The following GALNS variants were observed in gnomAD, a reference collection of about 807,000 sequenced individuals.
The protein encoded by GALNS is N-acetylgalactosamine-6-sulfatase.
A neutral mutation model predicts 65.9 loss-of-function variants in GALNS; 65 were observed. The observed-to-expected ratio is 0.99, with a 90% CI of 0.81 to 1.21. The LOEUF (loss-of-function observed/expected upper bound fraction) is 1.21. Ranked by LOEUF, GALNS falls within the 50% of genes most tolerant of loss-of-function variation. The pLI, the probability that GALNS is intolerant of heterozygous loss-of-function variation, is 0.00. For synonymous variants in GALNS, 346 were observed against 288.9 expected, an observed-to-expected ratio of 1.20 and a Z score of -2.00; for missense variants, 776 against 700.7, an observed-to-expected ratio of 1.11 and a Z score of -1.21.
chr16:88,832,099 C>A lies in GALNS; in HGVS notation c.901G>T (p.Gly301Cys), dbSNP rs118204443. ...CCACACAGAAAGGGGCCGTTGCTGC[C>A]ACCTGGGAGAGAGGGGCCCTTGTCA... ...AALISAPEQG[G>C]SNGPFLCGKQ... Residue 301 changes from glycine (G) to cysteine (C), a missense_variant and splice_region_variant, in exon 9 of 14, where the codon GGC becomes TGC. Transcript: ENST00000268695. 137 of 1,613,540 alleles carry A rather than the reference C, an allele frequency of 8.5e-5. No homozygotes were observed. The highest frequency in any genetic ancestry group is 1.8e-4 in the Admixed American group (11 of 59,980).
intron 10 of GALNS, 56 bp from the exon 11 acceptor site, chr16:88,824,925 C>G (rs538617509): frequency 1.4e-6 from 2 of 1,415,090 alleles, no homozygotes; most frequent in East Asian, 4.6e-5. Flanking sequence ...CTGGGGCCAC[C>G]TGGAGGCTCT....
chr16:88,816,539 C>T (rs75048236), intron 13 of GALNS: 24,121 of 541,202 alleles, frequency 0.045, 655 homozygotes, highest in African/African-American at 0.14. Flanking sequence ...CCCCAACTAA[C>T]GGAGGTGGCC....
At chr16:88,841,834 C>T in intron 3 of GALNS, 63 bp downstream of exon 3, 1 of 1,450,602 alleles carries the variant, frequency 6.9e-7, no homozygotes, top group Non-Finnish European at 9.5e-7. Context: ...ACGGGCACCA[C>T]CCGTAGCCCA....
At chr16:88,836,298 A>C (rs1360935623) in intron 5 of GALNS, 31 bp from the exon 6 acceptor site, 1 of 1,572,612 alleles carries the variant, frequency 6.4e-7, no homozygotes, top group Non-Finnish European at 8.7e-7. Context: ...GACAGACTTC[A>C]GAATTTAGGC....
rs1909690499 is a variant in GALNS, at chr16:88,816,925, G to C, written c.1482+1082C>G. 4 of 985,340 alleles carry C rather than the reference G, an allele frequency of 4.1e-6. No homozygotes were observed. The South Asian group carries it at 1.9e-4, about 46-fold the overall frequency. The allele number at this position is 985,340 out of a possible 1,614,324, so 61.0% of individuals were successfully genotyped here. ...ACGCCCAGCCCGTGTAAACAGGTGA[G>C]CGACGGCCCAGGGGCCTCGAGGCTG... is the stretch of plus-strand genomic sequence containing the variant. On this transcript the variant is annotated intron_variant, in intron 13 of 13. Coordinates refer to ENST00000268695, the MANE Select transcript of GALNS (RefSeq NM_000512.5).
chr16:88,842,017 C>T, intron 2 of GALNS, 46 bp from the exon 3 acceptor site: 1 of 1,546,126 alleles, frequency 6.5e-7, no homozygotes, highest in African/African-American at 1.4e-5. Flanking sequence ...AAGGGTGTGG[C>T]TCAGACCCCG....
chr16:88,850,770 C>G (rs1008785925), intron 1 of GALNS, among the ~76,000 whole-genome samples: 12 of 152,214 alleles, frequency 7.9e-5, no homozygotes, highest in African/African-American at 2.9e-4. Flanking sequence ...GGAAGCTGTG[C>G]GAGACTCAGT....
intron 9 of GALNS, among the ~76,000 whole-genome samples, chr16:88,831,077 G>A (rs1456457838): frequency 1.3e-5 from 2 of 152,170 alleles, no homozygotes; most frequent in Non-Finnish European, 1.5e-5. Flanking sequence ...TCACCACACA[G>A]TCATTACCAG....
At chr16:88,850,350 G>A (rs548088095) in intron 1 of GALNS, among the ~76,000 whole-genome samples, 3 of 152,260 alleles carry the variant, frequency 2.0e-5, no homozygotes, top group South Asian at 2.1e-4. Context: ...CCAGAAGGTC[G>A]GCAGTCAGCA....
chr16:88,831,206 G>T (rs982546517), intron 9 of GALNS, among the ~76,000 whole-genome samples: 1 of 152,140 alleles, frequency 6.6e-6, no homozygotes, highest in Non-Finnish European at 1.5e-5. Context: ...ACCTGGTTCC[G>T]AGGAGAGCGG....
intron 2 of GALNS, chr16:88,842,349 G>A (rs1420079518): frequency 3.9e-6 from 2 of 510,086 alleles, no homozygotes; most frequent in African/African-American, 3.9e-5. Flanking sequence ...TCCAGCAGGA[G>A]AGACTCTCCC....
intron 13 of GALNS, chr16:88,816,817 C>G: frequency 1.0e-6 from 1 of 985,486 alleles, no homozygotes; most frequent in African/African-American, 1.7e-5. Flanking sequence ...GCCCGCACAG[C>G]AGGAGCCCAG....
chr16:88,815,697 G>C (rs368787811), intron 13 of GALNS: 1 of 985,472 alleles, frequency 1.0e-6, no homozygotes. Flanking sequence ...TCTGGGTGCT[G>C]CTCAGGGTAC....
chr16:88,816,183 A>G lies in GALNS; in HGVS notation c.1483-1658T>C, dbSNP rs900015987. The G allele has an allele frequency of 8.1e-6, 8 of 985,296 alleles. No homozygotes were observed. In the African/African-American group the frequency reaches 1.4e-4, roughly 17 times the overall value. 61.0% of individuals were successfully genotyped at this position (985,296 alleles called of 1,614,324 possible). A position where few individuals can be genotyped will look rare whatever the true frequency, so the allele number is the denominator to read the frequency against. ...GGTGGGGGCAGTTCCCCCAGTGCCC[A>G]GGAGATGGCAGTGGCAGCCAGGCTG... On this transcript the variant is annotated intron_variant, in intron 13 of 13. Transcript: ENST00000268695.
chr16:88,825,004 T>G, intron 10 of GALNS, 135 bp from the exon 11 acceptor site: 1 of 736,312 alleles, frequency 1.4e-6, no homozygotes, highest in Admixed American at 2.2e-5. Flanking sequence ...CAAAGATGAT[T>G]GAAAAGTAAA....
chr16:88,834,595 G>A (rs1426705778), intron 8 of GALNS, among the ~76,000 whole-genome samples: 10 of 131,092 alleles, frequency 7.6e-5, no homozygotes, highest in African/African-American at 2.9e-4. Flanking sequence ...GGAAGAGGCT[G>A]TAGGGCCCCC....
intron 10 of GALNS, among the ~76,000 whole-genome samples, chr16:88,825,253 A>C (rs112798054): frequency 4.0e-5 from 2 of 50,096 alleles, no homozygotes; most frequent in African/African-American, 2.9e-4. Flanking sequence ...CTGGGTGGCC[A>C]GGGCTGGGGT....
chr16:88,837,094 C>G (rs1459759865), intron 5 of GALNS, among the ~76,000 whole-genome samples: 1 of 152,212 alleles, frequency 6.6e-6, no homozygotes, highest in Non-Finnish European at 1.5e-5. Context: ...CAAGAAGAGT[C>G]AAGTTAAGCA....
chr16:88,837,938 G>A, intron 4 of GALNS, 173 bp from the exon 5 acceptor site: 2 of 664,204 alleles, frequency 3.0e-6, no homozygotes, highest in East Asian at 2.8e-5. Context: ...CTCACCCGAG[G>A]AGGGTGCTGG....
Sources: gnomAD v4.1 joint callset for allele counts (sites outside exome capture counted in the v4.1 genomes callset) on GRCh38, gnomAD v4.1.1 for gene constraint, MANE v1.5 for transcripts, NCBI Gene and HGNC (gene_info 2026-07-23, HGNC 2026-07-21) for gene names.